B9D1: variants seen among roughly 807,000 people sequenced by gnomAD.
The protein encoded by B9D1 is B9 domain containing 1.
In B9D1, 20 loss-of-function variants were observed where a neutral mutation model predicts 26.1. The observed-to-expected ratio is 0.77, with a 90% CI of 0.54 to 1.12. The LOEUF (loss-of-function observed/expected upper bound fraction) is 1.12, where lower values mean the gene tolerates loss of function less well. B9D1 is among the 50% of genes most tolerant of loss of function. The pLI, the probability that B9D1 is intolerant of heterozygous loss-of-function variation, is 0.00. For synonymous variants in B9D1, 105 were observed against 103.1 expected (o/e 1.02, Z -0.11); for missense variants, 260 against 273.7 (o/e 0.95, Z 0.35).
intron 1 of B9D1, among the ~76,000 whole-genome samples, chr17:19,361,027 C>T (rs570441266): frequency 1.3e-5 from 2 of 152,248 alleles, no homozygotes; most frequent in African/African-American, 4.8e-5. Context: ...TCAGTGGCGG[C>T]ATTAGATTCT....
Position 19,347,434 on chromosome 17 carries a change from G to A in B9D1, c.342-103C>T, listed in dbSNP as rs2085316326. On this transcript the variant is annotated intron_variant, in intron 4 of 6. Transcript: ENST00000261499. This position sits in a 1 kb window ranked among gnomAD's most constrained non-coding sequence, Gnocchi z 4.3. ...TCAGGCCAGTGCAGCTGCAGCGTGG[G>A]CCAAGTCAGGGCCAATGTCAACGAA... The A allele has an allele frequency of 3.0e-5, 41 of 1,373,222 alleles. No homozygotes were observed. In the South Asian group the frequency reaches 4.7e-4, roughly 16 times the overall value. The allele number at this position is 1,373,222 out of a possible 1,614,324, so 85.1% of individuals were successfully genotyped here.
chr17:19,363,406 C>G (rs566733212), upstream of B9D1, among the ~76,000 whole-genome samples: 68 of 152,336 alleles, frequency 4.5e-4, no homozygotes, highest in Admixed American at 8.5e-4. Context: ...TCTTAGTGGC[C>G]TGTCACAGAG....
intron 3 of B9D1, among the ~76,000 whole-genome samples, chr17:19,356,684 T>C (rs940913587): frequency 2.4e-4 from 37 of 152,164 alleles, no homozygotes; most frequent in African/African-American, 8.9e-4. Context: ...ATCACCTCTA[T>C]TGAAATCAGC....
chr17:19,344,416 C>A, intron 5 of B9D1: 1 of 230,364 alleles, frequency 4.3e-6, no homozygotes, highest in Non-Finnish European at 8.9e-6. Context: ...AGGGGCGGCA[C>A]ACAGCCACCA....
chr17:19,367,350 T>C (rs1911652879), upstream of B9D1, among the ~76,000 whole-genome samples: 1 of 151,220 alleles, frequency 6.6e-6, no homozygotes, highest in South Asian at 2.1e-4. Context: ...TCGCTCTTGT[T>C]GCCCAGGCTG....
upstream of B9D1, among the ~76,000 whole-genome samples, chr17:19,365,592 G>A (rs567806568): frequency 2.6e-4 from 39 of 152,306 alleles, no homozygotes; most frequent in African/African-American, 9.1e-4. The surrounding 1 kb of genome is among the most constrained non-coding windows in gnomAD (Gnocchi z 5.0). Context: ...TGAAGCCTCA[G>A]AGCTCAGCTC....
rs755014722 is a variant in B9D1, at chr17:19,372,471, C to T, written c.-298+5388G>A. On this transcript the variant is annotated intron_variant, in intron 1 of 5. Transcript: ENST00000477478. This position sits in a 1 kb window ranked among gnomAD's most constrained non-coding sequence, Gnocchi z 4.4. ...TGTGCCACACTCTCACCCGCATCAGCTCTGTGTCCTTTGCCCCCACTGTCC... is the reference window on the plus strand; with the variant it reads ...TGTGCCACACTCTCACCCGCATCAGTTCTGTGTCCTTTGCCCCCACTGTCC... Among the ~76,000 whole-genome samples, 2 of 152,256 alleles carry T rather than the reference C, an allele frequency of 1.3e-5. No homozygotes were observed. Among genetic ancestry groups the T allele is most frequent in the Non-Finnish European group, 2.9e-5 (2 of 68,050 alleles).
At chr17:19,358,749 A>G (rs1910674366) in intron 2 of B9D1, among the ~76,000 whole-genome samples, 2 of 152,052 alleles carry the variant, frequency 1.3e-5, no homozygotes, top group Admixed American at 1.3e-4. Flanking sequence ...GTACTTGGTG[A>G]TCTCATCCAT....
At chr17:19,374,194 A>T (rs1283303651) in intron 1 of B9D1, among the ~76,000 whole-genome samples, 1 of 152,254 alleles carries the variant, frequency 6.6e-6, no homozygotes, top group Non-Finnish European at 1.5e-5. Flanking sequence ...AAGCACAATG[A>T]TAAGTAGCAT....
chr17:19,365,806 G>A (rs543331628), upstream of B9D1, among the ~76,000 whole-genome samples: 6 of 151,992 alleles, frequency 3.9e-5, no homozygotes, highest in African/African-American at 1.4e-4. The surrounding 1 kb of genome is among the most constrained non-coding windows in gnomAD (Gnocchi z 5.0). Context: ...AGGATTAAAT[G>A]TGATAATATA....
At position 19,368,133 on chromosome 17, in the gene B9D1, GA is replaced by G. The variant is rs561998721; in HGVS notation, c.-297-7746del. Among the ~76,000 whole-genome samples, 353 of 152,328 alleles carry G rather than the reference GA, an allele frequency of 2.3e-3. 5 individuals carry two copies. Among genetic ancestry groups the G allele is most frequent in the Non-Finnish European group, 4.4e-3 (297 of 68,038 alleles). On this transcript the variant is annotated intron_variant, in intron 1 of 5. Transcript: ENST00000477478. ...GGGTCTGAGGCAGAGCCCGAGGTGG[GA>G]TAGAGGGCTCTCAGTTTCCATTATC... is the stretch of plus-strand genomic sequence containing the variant.
intron 1 of B9D1, among the ~76,000 whole-genome samples, chr17:19,371,859 G>C (rs1349441332): frequency 6.6e-6 from 1 of 152,238 alleles, no homozygotes. Context: ...CCACAGACAT[G>C]GGTGTGGGTT....
chr17:19,369,951 C>A (rs1890194843), intron 1 of B9D1, among the ~76,000 whole-genome samples: 1 of 152,128 alleles, frequency 6.6e-6, no homozygotes, highest in Non-Finnish European at 1.5e-5. Flanking sequence ...CACCCTGGAC[C>A]ACACCCGCCC....
At chr17:19,340,058 G>T (rs915670287), downstream of B9D1, among the ~76,000 whole-genome samples, 1 of 123,186 alleles carries the variant, frequency 8.1e-6, no homozygotes, top group Non-Finnish European at 1.6e-5. Context: ...CGGCTTCCCG[G>T]GCACTCGCGC....
At chr17:19,367,747 G>A (rs932898889) in intron 1 of B9D1, among the ~76,000 whole-genome samples, 11 of 152,176 alleles carry the variant, frequency 7.2e-5, no homozygotes, top group African/African-American at 2.4e-4. Context: ...TCAAGAGCCC[G>A]ATAAATGCCC....
rs2152275305 is a variant in B9D1, at chr17:19,359,330, T to C, written c.132+990A>G. On this transcript the variant is annotated intron_variant, in intron 2 of 6. Coordinates refer to ENST00000261499, the MANE Select transcript of B9D1 (RefSeq NM_015681.6). This position sits in a 1 kb window ranked among gnomAD's most constrained non-coding sequence, Gnocchi z 5.0. ...CTGCTCCAGCCACTCTCCTGCTGGC[T>C]CGCTCTCCAGTGGCCACACAGCCTC... Among the ~76,000 whole-genome samples, 1 of 152,340 alleles carries C rather than the reference T, an allele frequency of 6.6e-6. No individual in the cohort carries two copies. The highest frequency in any genetic ancestry group is 2.4e-5 in the African/African-American group (1 of 41,580).
chr17:19,360,242 G>C, intron 2 of B9D1, 78 bp downstream of exon 2: 1 of 1,322,076 alleles, frequency 7.6e-7, no homozygotes, highest in Non-Finnish European at 1.1e-6. Flanking sequence ...GTTCTGAATG[G>C]GGAGGGGAAG....
rs1000163565 is a variant in B9D1, at chr17:19,347,610, A to G, written c.341+174T>C. Among the ~76,000 whole-genome samples the G allele has an allele frequency of 6.6e-6, 1 of 152,080 alleles. No homozygotes were observed. Among genetic ancestry groups the G allele is most frequent in the Non-Finnish European group, 1.5e-5 (1 of 67,998 alleles). Reference sequence around the variant, plus strand: ...ACCTGGTGTGTGGCTGGCACCACCCATCTGAAAGGTTCTCCTCCCAAATAC... The same window carrying G: ...ACCTGGTGTGTGGCTGGCACCACCCGTCTGAAAGGTTCTCCTCCCAAATAC... On this transcript the variant is annotated intron_variant, in intron 4 of 6. Coordinates refer to ENST00000261499, the MANE Select transcript of B9D1 (RefSeq NM_015681.6). This position sits in a 1 kb window ranked among gnomAD's most constrained non-coding sequence, Gnocchi z 4.3.
intron 5 of B9D1, among the ~76,000 whole-genome samples, chr17:19,344,922 C>A (rs1598050628): frequency 6.6e-6 from 1 of 152,238 alleles, no homozygotes; most frequent in Non-Finnish European, 1.5e-5. Context: ...CAGCCACAAC[C>A]CCTGCGCCTC....
Sources: gnomAD v4.1 joint callset for allele counts (sites outside exome capture counted in the v4.1 genomes callset) on GRCh38, gnomAD v4.1.1 for gene constraint, Gnocchi (gnomAD v3.1) non-coding constraint, MANE v1.5 for transcripts, NCBI Gene and HGNC (gene_info 2026-07-23, HGNC 2026-07-21) for gene names.